Variants in SCARA3 observed in about 807,000 individuals in gnomAD.
SCARA3 encodes scavenger receptor class A member 3, also known as cellular stress response gene protein.
SCARA3 carries 39 observed loss-of-function variants against 47.0 expected under a neutral mutation model. The observed-to-expected ratio is 0.83, with a 90% CI of 0.64 to 1.08. The LOEUF is 1.08. Ranked by LOEUF, SCARA3 falls within the 50% of genes least tolerant of loss-of-function variation. The probability of loss-of-function intolerance (pLI) is 0.00; values close to 1 mark genes in which losing one functional copy is unlikely to be tolerated. For missense variants in SCARA3, 724 were observed against 792.3 expected, an observed-to-expected ratio of 0.91 and a Z score of 1.04; for synonymous variants, 356 against 334.1, an observed-to-expected ratio of 1.07 and a Z score of -0.71.
intron 1 of SCARA3, among the ~76,000 whole-genome samples, chr8:27,637,613 G>A (rs1307593917): frequency 6.6e-6 from 1 of 152,066 alleles, no homozygotes; most frequent in Non-Finnish European, 1.5e-5. Context: ...GCTGGAAGCG[G>A]GCCCACCTTG....
chr8:27,659,839 G>A (rs1189361041), intron 5 of SCARA3, among the ~76,000 whole-genome samples: 2 of 85,974 alleles, frequency 2.3e-5, no homozygotes, highest in Non-Finnish European at 4.0e-5. Context: ...GACAGAGTAA[G>A]TCCTTATCTA....
chr8:27,659,763 T>C (rs201274996), intron 5 of SCARA3, among the ~76,000 whole-genome samples: 1 of 139,086 alleles, frequency 7.2e-6, no homozygotes, highest in East Asian at 2.1e-4. Context: ...GGCAGAAGGA[T>C]CACTTGAGCC....
intron 5 of SCARA3, among the ~76,000 whole-genome samples, chr8:27,665,035 G>C (rs973306343): frequency 2.0e-5 from 3 of 152,208 alleles, no homozygotes; most frequent in Admixed American, 6.5e-5. Flanking sequence ...GCACAGACAG[G>C]CTGTGACACA....
the SCARA3 span, among the ~76,000 whole-genome samples, chr8:27,726,989 G>C: frequency 6.6e-6 from 1 of 152,082 alleles, no homozygotes; most frequent in African/African-American, 2.4e-5. Context: ...GGTCAGGCTG[G>C]TCTTGAACTC....
chr8:27,705,847 G>A, the SCARA3 span, among the ~76,000 whole-genome samples: 1 of 152,210 alleles, frequency 6.6e-6, no homozygotes, highest in Non-Finnish European at 1.5e-5. Context: ...AAATCTTTCT[G>A]TAAGAAGGAA....
At chr8:27,639,318 T>C (rs534951685) in intron 1 of SCARA3, among the ~76,000 whole-genome samples, 1 of 152,210 alleles carries the variant, frequency 6.6e-6, no homozygotes, top group Admixed American at 6.5e-5. Flanking sequence ...TCCAGGCAGA[T>C]GCCACAAAAG....
chr8:27,712,722 G>A, the SCARA3 span, among the ~76,000 whole-genome samples: 2 of 152,130 alleles, frequency 1.3e-5, no homozygotes, highest in Non-Finnish European at 2.9e-5. Context: ...TGGCACTGAT[G>A]AATAAAGCTG....
the SCARA3 span, among the ~76,000 whole-genome samples, chr8:27,696,429 A>C: frequency 1.0e-3 from 157 of 152,180 alleles, no homozygotes; most frequent in African/African-American, 3.4e-3. Context: ...AAATCTTTGA[A>C]TCAGTATTTT....
chr8:27,722,348 A>G, the SCARA3 span, among the ~76,000 whole-genome samples: 2 of 152,126 alleles, frequency 1.3e-5, no homozygotes, highest in Non-Finnish European at 2.9e-5. Context: ...AAGATGCATG[A>G]AGACACAGGC....
downstream of SCARA3, among the ~76,000 whole-genome samples, chr8:27,673,189 A>C (rs1802207956): frequency 1.3e-5 from 2 of 152,264 alleles, no homozygotes; most frequent in African/African-American, 4.8e-5. Context: ...CCAGGGACCA[A>C]GAGCGTCTGA....
downstream of SCARA3, among the ~76,000 whole-genome samples, chr8:27,679,598 G>T (rs971322129): frequency 1.3e-5 from 2 of 152,154 alleles, no homozygotes; most frequent in Non-Finnish European, 2.9e-5. Flanking sequence ...GAGAAGATAT[G>T]AATTAGGTCA....
At chr8:27,701,400 T>C in the SCARA3 span, 2 of 152,170 alleles carry the variant, frequency 1.3e-5, no homozygotes, top group Non-Finnish European at 2.9e-5. Context: ...TTGAAGTGTA[T>C]GCATTGTATT....
chr8:27,667,856 C>T (rs34766971), intron 5 of SCARA3, among the ~76,000 whole-genome samples: 1 of 152,160 alleles, frequency 6.6e-6, no homozygotes, highest in Non-Finnish European at 1.5e-5. Context: ...GTCAGTAGCC[C>T]ACGCGGAGAC....
At chr8:27,690,803 C>T in the SCARA3 span, among the ~76,000 whole-genome samples, 2 of 152,028 alleles carry the variant, frequency 1.3e-5, no homozygotes, top group African/African-American at 4.8e-5. Context: ...TCAAGGGATC[C>T]TCCCACCTCT....
chr8:27,704,598 G>A, the SCARA3 span, among the ~76,000 whole-genome samples: 167 of 152,140 alleles, frequency 1.1e-3, no homozygotes, highest in African/African-American at 4.0e-3. Flanking sequence ...CTTCCTTCAG[G>A]TCCGTGTGAA....
the SCARA3 span, among the ~76,000 whole-genome samples, chr8:27,708,067 G>C: frequency 8.5e-5 from 13 of 152,132 alleles, no homozygotes; most frequent in Non-Finnish European, 1.3e-4. Flanking sequence ...GATGGAAAAA[G>C]TCATATATTC....
At chr8:27,677,042 G>C (rs190328360), downstream of SCARA3, among the ~76,000 whole-genome samples, 277 of 152,294 alleles carry the variant, frequency 1.8e-3, no homozygotes, top group Non-Finnish European at 3.3e-3. Flanking sequence ...CATCATTTCA[G>C]CTTCACAGGC....
Position 27,659,036 on chromosome 8 carries a change from G to C in SCARA3, c.866G>C (p.Arg289Pro). The C allele has an allele frequency of 6.2e-7, 1 of 1,614,062 alleles. No individual in the cohort carries two copies. The highest frequency in any genetic ancestry group is 8.5e-7 in the Non-Finnish European group (1 of 1,180,030). ...IQATLGASSQ[R>P]ISQNSESMHD... The stretch of plus-strand genomic sequence containing the variant: ...GCCACCCTGGGGGCCTCCTCACAGC[G>C]CATCAGCCAGAACTCAGAGAGCATG... The change falls in exon 5 of 6, where the codon CGC becomes CCC. Residue 289 changes from arginine to proline, a missense_variant. Physicochemically the swap from Arg to Pro is moderately radical, Grantham distance 103. Transcript: ENST00000301904.
downstream of SCARA3, among the ~76,000 whole-genome samples, chr8:27,678,302 G>C (rs560623652): frequency 3.3e-5 from 5 of 152,242 alleles, no homozygotes; most frequent in South Asian, 1.0e-3. Context: ...AGACTAATCA[G>C]AAATAAAAGA....
Sources: allele counts gnomAD v4.1 joint callset (sites outside exome capture counted in the v4.1 genomes callset), GRCh38; gene constraint gnomAD v4.1.1; transcripts MANE v1.5; gene names NCBI Gene and HGNC (gene_info 2026-07-23, HGNC 2026-07-21).